FHIT: variants seen among roughly 807,000 people sequenced by gnomAD.
The protein encoded by FHIT is fragile histidine triad diadenosine triphosphatase, also known as bis(5'-adenosyl)-triphosphatase.
FHIT carries 19 observed loss-of-function variants against 17.9 expected under a neutral mutation model. The ratio of observed to expected loss-of-function variants is 1.06; its 90% CI spans 0.74 to 1.56. The LOEUF (loss-of-function observed/expected upper bound fraction) is 1.56, where lower values mean the gene tolerates loss of function less well. Ranked by LOEUF, FHIT falls within the 40% of genes most tolerant of loss-of-function variation. The pLI is 0.00. For synonymous variants in FHIT, 81 were observed against 69.7 expected, an observed-to-expected ratio of 1.16 and a Z score of -0.81; for missense variants, 248 against 189.2, an observed-to-expected ratio of 1.31 and a Z score of -1.82.
intron 8 of FHIT, among the ~76,000 whole-genome samples, chr3:59,771,865 C>G (rs1702087971): frequency 6.6e-6 from 1 of 152,198 alleles, no homozygotes. Flanking sequence ...CTATGTATGA[C>G]TCCTTTCCCT....
chr3:60,228,759 T>C (rs1704342328), intron 5 of FHIT, among the ~76,000 whole-genome samples: 1 of 152,216 alleles, frequency 6.6e-6, no homozygotes, highest in Non-Finnish European at 1.5e-5. Flanking sequence ...AACCAGTTCT[T>C]TGATTTGAGA....
chr3:59,978,471 T>A (rs1014325436), intron 7 of FHIT, among the ~76,000 whole-genome samples: 1 of 151,980 alleles, frequency 6.6e-6, no homozygotes, highest in African/African-American at 2.4e-5. Context: ...ATATTTTAAA[T>A]ATTATTAAAT....
chr3:60,470,209 C>T (rs1259454817), intron 5 of FHIT, among the ~76,000 whole-genome samples: 1 of 152,014 alleles, frequency 6.6e-6, no homozygotes. Context: ...ACAATTACTG[C>T]CTGGCTACCA....
chr3:60,443,181 G>A (rs562722846), intron 5 of FHIT, among the ~76,000 whole-genome samples: 52 of 152,200 alleles, frequency 3.4e-4, no homozygotes, highest in Middle Eastern at 3.4e-3. Flanking sequence ...GGGCTGAGAC[G>A]ATGGGGTTTT....
intron 5 of FHIT, among the ~76,000 whole-genome samples, chr3:60,173,247 T>C (rs1302200443): frequency 6.6e-6 from 1 of 152,132 alleles, no homozygotes; most frequent in African/African-American, 2.4e-5. Flanking sequence ...CAGACTGGTA[T>C]CTTAGGGTCC....
intron 5 of FHIT, among the ~76,000 whole-genome samples, chr3:60,322,447 T>C (rs1709476517): frequency 6.6e-6 from 1 of 152,216 alleles, no homozygotes; most frequent in Non-Finnish European, 1.5e-5. Context: ...TTTTTGACCT[T>C]GGAGGCCATC....
At chr3:60,207,356 C>A (rs1703244907) in intron 5 of FHIT, among the ~76,000 whole-genome samples, 1 of 152,062 alleles carries the variant, frequency 6.6e-6, no homozygotes, top group Non-Finnish European at 1.5e-5. Flanking sequence ...CAATCAGCCA[C>A]CACTGACAAC....
chr3:60,123,993 TATATATATATATATATAG>T (rs1349025165), intron 5 of FHIT, among the ~76,000 whole-genome samples: 4 of 40,778 alleles, frequency 9.8e-5, no homozygotes, highest in South Asian at 1.9e-3. Flanking sequence ...TATATATATA[TATATATATATATATATAG>T]AGAGAGAGAG....
At chr3:59,879,698 C>G (rs1234309844) in intron 8 of FHIT, among the ~76,000 whole-genome samples, 1 of 152,108 alleles carries the variant, frequency 6.6e-6, no homozygotes, top group East Asian at 1.9e-4. Context: ...AGTCTGGATA[C>G]AAACATTATA....
intron 5 of FHIT, among the ~76,000 whole-genome samples, chr3:60,383,993 G>A (rs1418709265): frequency 1.3e-5 from 2 of 152,152 alleles, no homozygotes; most frequent in Non-Finnish European, 2.9e-5. Context: ...GATAGGACAG[G>A]CGCAGGTGGC....
intron 2 of FHIT, among the ~76,000 whole-genome samples, chr3:61,195,080 A>T (rs1166579706): frequency 1.3e-5 from 2 of 151,984 alleles, no homozygotes; most frequent in East Asian, 1.9e-4. Flanking sequence ...TTTCACTAGG[A>T]CTTTGTATTT....
intron 4 of FHIT, among the ~76,000 whole-genome samples, chr3:60,605,467 AT>A (rs1553670789): frequency 6.6e-5 from 10 of 152,338 alleles, no homozygotes; most frequent in African/African-American, 1.9e-4. Flanking sequence ...GGATTAGGAC[AT>A]ACTTGAGAAG....
At chr3:60,514,925 G>T (rs1054329476) in intron 5 of FHIT, among the ~76,000 whole-genome samples, 4 of 151,950 alleles carry the variant, frequency 2.6e-5, no homozygotes, top group Non-Finnish European at 5.9e-5. Flanking sequence ...ACTCAGAGGA[G>T]TCCCTGGTGG....
chr3:59,950,411 A>G (rs1005786702), intron 7 of FHIT, among the ~76,000 whole-genome samples: 15 of 152,142 alleles, frequency 9.9e-5, no homozygotes, highest in African/African-American at 3.6e-4. Flanking sequence ...CATATCAGGC[A>G]CATGCCAGCC....
intron 2 of FHIT, among the ~76,000 whole-genome samples, chr3:61,132,178 A>C (rs1426082904): frequency 6.6e-6 from 1 of 152,222 alleles, no homozygotes; most frequent in Non-Finnish European, 1.5e-5. Flanking sequence ...CACAAGCAGC[A>C]CTACTCAAAT....
At chr3:59,773,047 A>C (rs1438802174) in intron 8 of FHIT, among the ~76,000 whole-genome samples, 1 of 152,152 alleles carries the variant, frequency 6.6e-6, no homozygotes, top group Non-Finnish European at 1.5e-5. Flanking sequence ...AACAATGCTC[A>C]TCTCCCTCCT....
chr3:60,554,158 C>G (rs1310898832), intron 4 of FHIT, among the ~76,000 whole-genome samples: 1 of 151,654 alleles, frequency 6.6e-6, no homozygotes, highest in Non-Finnish European at 1.5e-5. Flanking sequence ...GATTTCTACA[C>G]TGAAGGACAA....
At chr3:60,265,217 G>A (rs1220709495) in intron 5 of FHIT, among the ~76,000 whole-genome samples, 1 of 151,872 alleles carries the variant, frequency 6.6e-6, no homozygotes, top group Non-Finnish European at 1.5e-5. Context: ...CACAATGATA[G>A]TGGAGAAGGA....
Position 59,881,231 on chromosome 3 carries a change from G to C in FHIT, c.348+41115C>G, listed in dbSNP as rs536844604. Among the ~76,000 whole-genome samples, 4 of 152,208 alleles carry C rather than the reference G, an allele frequency of 2.6e-5. No individual in the cohort carries two copies. The South Asian group carries it at 8.3e-4, about 32-fold the overall frequency. ...TAAGACCACCTGGCTATAGATACCT[G>C]CTTCTAGAGAGGCCAGGTTCCAACC... On this transcript the variant is annotated intron_variant, in intron 8 of 9. Coordinates refer to ENST00000492590, the MANE Select transcript of FHIT (RefSeq NM_002012.4).
Sources: allele counts gnomAD v4.1 joint callset (sites outside exome capture counted in the v4.1 genomes callset), GRCh38; gene constraint gnomAD v4.1.1; transcripts MANE v1.5; gene names NCBI Gene and HGNC (gene_info 2026-07-23, HGNC 2026-07-21).